Variants in NAV2 observed in about 807,000 individuals in gnomAD.
NAV2 encodes the protein neuron navigator 2.
Under a neutral mutation model 223.2 loss-of-function variants are expected in NAV2, and 54 were observed. The observed-to-expected ratio is 0.24, with a 90% CI of 0.19 to 0.30. The LOEUF (loss-of-function observed/expected upper bound fraction) is 0.30. Ranked by LOEUF, NAV2 falls within the 10% of genes least tolerant of loss-of-function variation. The pLI, the probability that NAV2 is intolerant of heterozygous loss-of-function variation, is 1.00. For missense variants in NAV2, 2,806 were observed against 3,147.5 expected (o/e 0.89, Z 2.60); for synonymous variants, 1,279 against 1,239.3 (o/e 1.03, Z -0.67).
chr11:19,434,262 T>G (rs928385382), intron 1 of NAV2, among the ~76,000 whole-genome samples: 3 of 152,226 alleles, frequency 2.0e-5, no homozygotes, highest in African/African-American at 4.8e-5. Context: ...ACACAGTAGA[T>G]GCTCAGTGGC....
At chr11:19,536,383 G>A in intron 1 of NAV2, among the ~76,000 whole-genome samples, 1 of 152,066 alleles carries the variant, frequency 6.6e-6, no homozygotes, top group East Asian at 1.9e-4. Flanking sequence ...TTTTTTCTAA[G>A]CCCCGTATGG....
chr11:19,933,659 G>A lies in NAV2; in HGVS notation c.1415G>A (p.Ser472Asn). 2 of 1,614,200 alleles carry A rather than the reference G, an allele frequency of 1.2e-6. No homozygotes were observed. The highest frequency in any genetic ancestry group is 8.5e-7 in the Non-Finnish European group (1 of 1,180,030). Residue 472 changes from serine to asparagine, a missense_variant, in exon 7 of 38, where the codon AGC becomes AAC. This residue lies in a region of NAV2 where 1,167 missense variants were observed against 1,180.5 expected (regional missense o/e 0.99). Transcript: ENST00000349880. This position sits in a 1 kb window ranked among gnomAD's most constrained non-coding sequence, Gnocchi z 4.3. Reference protein sequence around the residue: ...ALKGIAQRTFSRALTNKKSSL... With the variant: ...ALKGIAQRTFNRALTNKKSSL... ...AAGGGCATTGCCCAGAGGACTTTTA[G>A]CCGGGCACTGACCAACAAGAAGAGT...
chr11:19,542,608 C>T (rs2044370374), intron 1 of NAV2, among the ~76,000 whole-genome samples: 1 of 152,216 alleles, frequency 6.6e-6, no homozygotes, highest in African/African-American at 2.4e-5. Flanking sequence ...TTTTATTATG[C>T]TCATTTTAGA....
intron 1 of NAV2, among the ~76,000 whole-genome samples, chr11:19,415,011 C>A (rs900647422): frequency 6.6e-6 from 1 of 152,136 alleles, no homozygotes; most frequent in African/African-American, 2.4e-5. Context: ...CTAAAATTGA[C>A]ACCCTAACAT....
intron 1 of NAV2, among the ~76,000 whole-genome samples, chr11:19,440,189 G>C (rs2133688204): frequency 6.6e-6 from 1 of 152,320 alleles, no homozygotes; most frequent in Non-Finnish European, 1.5e-5. Context: ...TCTGCATGAA[G>C]CTACTGTCTA....
At chr11:19,875,899 T>G (rs753989161) in intron 4 of NAV2, among the ~76,000 whole-genome samples, 20 of 152,156 alleles carry the variant, frequency 1.3e-4, no homozygotes, top group Non-Finnish European at 1.8e-4. Context: ...TAGGCTTCCT[T>G]TGGGTGAAGA....
Position 20,048,979 on chromosome 11 carries a change from G to T in NAV2, c.4154G>T (p.Gly1385Val), listed in dbSNP as rs770120548. 4.3e-6 allele frequency: 7 copies of T among 1,614,016 alleles called. No homozygotes were observed. In the South Asian group the frequency reaches 7.7e-5, roughly 18 times the overall value. The part of the protein sequence containing the change: ...HSAPSNSLTW[G>V]TNASSSSAVS... ...GCCCCTTCCAACAGCCTCACCTGGG[G>T]CACCAACGCCAGCAGCTCCTCCGCA... The change falls in exon 15 of 38, where the codon GGC becomes GTC. Residue 1385 changes from glycine (G) to valine (V), a missense_variant. Transcript: ENST00000349880.
intron 24 of NAV2, among the ~76,000 whole-genome samples, chr11:20,078,951 T>A (rs546938396): frequency 1.3e-5 from 2 of 152,254 alleles, no homozygotes; most frequent in Non-Finnish European, 2.9e-5. Flanking sequence ...TTTCATTATC[T>A]GGTTTTCTTT....
chr11:19,812,033 T>G (rs1036233904), intron 1 of NAV2, among the ~76,000 whole-genome samples: 9 of 152,178 alleles, frequency 5.9e-5, no homozygotes, highest in Admixed American at 2.0e-4. Flanking sequence ...GTCTGCTGAT[T>G]ATTTTTTCCA....
chr11:19,515,626 A>G (rs559189779), intron 1 of NAV2, among the ~76,000 whole-genome samples: 2 of 152,356 alleles, frequency 1.3e-5, no homozygotes, highest in Non-Finnish European at 2.9e-5. Context: ...AGCATCTTAA[A>G]TAGTTTGACA....
At chr11:19,586,918 C>T (rs779744693) in intron 1 of NAV2, among the ~76,000 whole-genome samples, 4 of 152,234 alleles carry the variant, frequency 2.6e-5, no homozygotes, top group Admixed American at 6.5e-5. Context: ...CAGTCGGGGA[C>T]ATTTAAGTCT....
At chr11:19,724,822 C>T (rs2051101354) in intron 1 of NAV2, among the ~76,000 whole-genome samples, 1 of 152,246 alleles carries the variant, frequency 6.6e-6, no homozygotes, top group African/African-American at 2.4e-5. Context: ...TAGACCCTTG[C>T]TAGCTGGAAG....
rs1221988176 is a variant in NAV2 at position 20,095,783 on chromosome 11, C to T, written c.6012+16C>T. 3 of 1,588,726 alleles carry T rather than the reference C, an allele frequency of 1.9e-6. No homozygotes were observed. The highest frequency in any genetic ancestry group is 2.6e-6 in the Non-Finnish European group (3 of 1,156,844). On this transcript the variant is annotated intron_variant, in intron 30 of 37. Transcript: ENST00000349880. ...GCTGTTCAAAGTAAGTGTTTCAAGA[C>T]AACGGCTACAGCATACTACCTAACA...
intron 11 of NAV2, among the ~76,000 whole-genome samples, chr11:20,032,978 G>T (rs1348229198): frequency 6.6e-6 from 1 of 152,312 alleles, no homozygotes; most frequent in African/African-American, 2.4e-5. Context: ...ACACCCTTAA[G>T]AGTGACTAGG....
chr11:19,844,545 T>A lies in NAV2; in HGVS notation c.438+1622T>A, dbSNP rs368121495. Among the ~76,000 whole-genome samples the A allele has an allele frequency of 1.2e-4, 19 of 152,318 alleles. No individual in the cohort carries two copies. The East Asian group carries it at 2.7e-3, about 22-fold the overall frequency. On this transcript the variant is annotated intron_variant, in intron 3 of 37. Coordinates refer to ENST00000349880, the MANE Select transcript of NAV2 (RefSeq NM_145117.5). ...ACTTACAGCATCCCAAATCTGAAAATCCAAAGTGTTTCACTGAGCACTTCC... is the reference window on the plus strand; with the variant it reads ...ACTTACAGCATCCCAAATCTGAAAAACCAAAGTGTTTCACTGAGCACTTCC...
intron 1 of NAV2, among the ~76,000 whole-genome samples, chr11:19,405,667 G>T (rs920118095): frequency 6.6e-6 from 1 of 152,216 alleles, no homozygotes; most frequent in African/African-American, 2.4e-5. Flanking sequence ...AAGCAGTATT[G>T]TCACTTCCTG....
At chr11:19,517,156 C>T (rs1418593494) in intron 1 of NAV2, among the ~76,000 whole-genome samples, 3 of 152,190 alleles carry the variant, frequency 2.0e-5, no homozygotes, top group Admixed American at 1.3e-4. Context: ...TCCTGGCCTG[C>T]GCAGTCCACT....
chr11:19,765,436 T>C (rs1282921759), intron 1 of NAV2, among the ~76,000 whole-genome samples: 1 of 142,890 alleles, frequency 7.0e-6, no homozygotes, highest in Non-Finnish European at 1.5e-5. Context: ...CTCCTCCTCC[T>C]TCTTCTTCCC....
intron 1 of NAV2, among the ~76,000 whole-genome samples, chr11:19,689,779 T>C (rs963552102): frequency 1.3e-5 from 2 of 152,204 alleles, no homozygotes; most frequent in Non-Finnish European, 2.9e-5. Flanking sequence ...AGGGTTTTGG[T>C]GTCACTGTAG....
Sources: gnomAD v4.1 joint callset for allele counts (sites outside exome capture counted in the v4.1 genomes callset) on GRCh38, gnomAD v4.1.1 for gene constraint, gnomAD v4.1.1 regional missense constraint, Gnocchi (gnomAD v3.1) non-coding constraint, MANE v1.5 for transcripts, NCBI Gene and HGNC (gene_info 2026-07-23, HGNC 2026-07-21) for gene names.